The following GRIP2 variants were observed in gnomAD, a reference collection of about 807,000 sequenced individuals.
GRIP2 encodes glutamate receptor interacting protein 2.
A neutral mutation model predicts 108.3 loss-of-function variants in GRIP2; 58 were observed. The ratio of observed to expected loss-of-function variants is 0.54; its 90% CI spans 0.43 to 0.67. The LOEUF is 0.67. Among genes scored for constraint, GRIP2 ranks in the 30% least tolerant of loss-of-function variants. GRIP2 has a pLI of 0.00. For synonymous variants in GRIP2, 586 were observed against 598.2 expected, an observed-to-expected ratio of 0.98 and a Z score of 0.30; for missense variants, 1,278 against 1,430.6, an observed-to-expected ratio of 0.89 and a Z score of 1.72.
At chr3:14,529,489 A>C (rs1175818588) in intron 1 of GRIP2, among the ~76,000 whole-genome samples, 1 of 152,216 alleles carries the variant, frequency 6.6e-6, no homozygotes, top group Non-Finnish European at 1.5e-5. Context: ...TATTTCTTAT[A>C]CAATAAAAGT....
chr3:14,553,255 G>A (rs532397288), intron 1 of GRIP2, among the ~76,000 whole-genome samples: 15 of 152,048 alleles, frequency 9.9e-5, no homozygotes, highest in East Asian at 9.7e-4. Context: ...TTACAGGCAC[G>A]TGCTACCACG....
In GRIP2 at chr3:14,512,992, C is replaced by G; in HGVS notation, c.1640-135G>C. 1 of 749,420 alleles carries G rather than the reference C, an allele frequency of 1.3e-6. No individual in the cohort carries two copies. Among genetic ancestry groups the G allele is most frequent in the African/African-American group, 1.7e-5 (1 of 58,042 alleles). 46.4% of individuals were successfully genotyped at this position (749,420 alleles called of 1,614,324 possible). A position where few individuals can be genotyped will look rare whatever the true frequency, so the allele number is the denominator to read the frequency against. On this transcript the variant is annotated intron_variant, in intron 13 of 23. Transcript: ENST00000621039. This position sits in a 1 kb window ranked among gnomAD's most constrained non-coding sequence, Gnocchi z 5.1. Reference sequence around the variant, plus strand: ...TTCTAATCTCATCCCCCTGCTTCCTCTCAACAGAGGAGGAAACTGAGGCAG... The same window carrying G: ...TTCTAATCTCATCCCCCTGCTTCCTGTCAACAGAGGAGGAAACTGAGGCAG...
chr3:14,553,733 G>GA (rs1283820185), intron 1 of GRIP2, among the ~76,000 whole-genome samples: 1 of 152,008 alleles, frequency 6.6e-6, no homozygotes, highest in Non-Finnish European at 1.5e-5. Flanking sequence ...GGCATCTTTT[G>GA]AAAAAAAGAT....
intron 1 of GRIP2, among the ~76,000 whole-genome samples, chr3:14,528,300 A>G (rs1055395333): frequency 5.9e-5 from 9 of 152,198 alleles, no homozygotes; most frequent in Non-Finnish European, 7.3e-5. Flanking sequence ...TTGTTTAGCT[A>G]TTGACTTGTG....
intron 5 of GRIP2, chr3:14,523,319 C>A (rs1443554187): frequency 1.7e-6 from 1 of 574,802 alleles, no homozygotes; most frequent in Non-Finnish European, 3.1e-6. Flanking sequence ...TGTGACCTCA[C>A]CTTATTTCCC....
At chr3:14,570,044 G>A in the GRIP2 span, among the ~76,000 whole-genome samples, 1 of 152,142 alleles carries the variant, frequency 6.6e-6, no homozygotes, top group Non-Finnish European at 1.5e-5. Flanking sequence ...GCAGATCTGG[G>A]ATTTGAACCC....
chr3:14,578,609 C>T, the GRIP2 span, among the ~76,000 whole-genome samples: 3 of 151,620 alleles, frequency 2.0e-5, no homozygotes, highest in Non-Finnish European at 4.4e-5. Flanking sequence ...CCCAGCTACT[C>T]GGGAGGCTGA....
At chr3:14,573,803 G>A in the GRIP2 span, 42 of 1,544,652 alleles carry the variant, frequency 2.7e-5, no homozygotes, top group Non-Finnish European at 3.4e-5. Flanking sequence ...TCTTGTGGCC[G>A]GCAAGCTCTG....
chr3:14,540,532 T>G, upstream of GRIP2: 1 of 1,020,056 alleles, frequency 9.8e-7, no homozygotes, highest in Non-Finnish European at 1.4e-6. This position sits in a 1 kb window ranked among gnomAD's most constrained non-coding sequence, Gnocchi z 4.1. Flanking sequence ...CCCTGCAGCC[T>G]GGGTCTGGAC....
In GRIP2 at chr3:14,512,084, A is replaced by C. The variant is rs1694113335; in HGVS notation, c.1721-605T>G. ...GTCGGGGAAGGCCTTGTCAAGTGAC[A>C]TTTGGGCAAAGCCATGAAGGAGGTA... On this transcript the variant is annotated intron_variant, in intron 14 of 23. Transcript: ENST00000621039. The surrounding 1 kb of genome is among the most constrained non-coding windows in gnomAD (Gnocchi z 5.1). Among the ~76,000 whole-genome samples, 1 of 152,214 alleles carries C rather than the reference A, an allele frequency of 6.6e-6. No individual in the cohort carries two copies. The highest frequency in any genetic ancestry group is 1.5e-5 in the Non-Finnish European group (1 of 68,034).
rs748600380 is a variant in GRIP2 at position 14,505,748 on chromosome 3, G to C, written c.2440C>G (p.Gln814Glu). The C allele has an allele frequency of 1.2e-5, 19 of 1,577,362 alleles. No individual in the cohort carries two copies. Among genetic ancestry groups the C allele is most frequent in the Admixed American group, 5.5e-5 (3 of 54,544 alleles). ...PQAAARGTTP[Q>E]ERRPGWLRGS... ...CTCAGCCAGCCAGGCCTCCGCTCCTGGGGGGTCGTGCCCCGGGCTGCTGCC... is the reference window on the plus strand; with the variant it reads ...CTCAGCCAGCCAGGCCTCCGCTCCTCGGGGGTCGTGCCCCGGGCTGCTGCC... Residue 814 changes from glutamine (Q) to glutamate (E), a missense_variant, in exon 20 of 24, where the codon CAG becomes GAG. By Grantham distance (29) the Gln-to-Glu change is conservative. Coordinates refer to ENST00000621039, the MANE Select transcript of GRIP2 (RefSeq NM_001080423.4). The surrounding 1 kb of genome is among the most constrained non-coding windows in gnomAD (Gnocchi z 4.2).
the GRIP2 span, among the ~76,000 whole-genome samples, chr3:14,564,368 C>A: frequency 6.6e-5 from 10 of 152,356 alleles, no homozygotes; most frequent in African/African-American, 2.4e-4. Context: ...TCCACCGGGG[C>A]TCCTCCTCAA....
rs1356288848 is a variant in GRIP2 at position 14,517,017 on chromosome 3, T to G, written c.1306+47A>C. On this transcript the variant is annotated intron_variant, in intron 11 of 23. Transcript: ENST00000621039. Reference sequence around the variant, plus strand: ...ATACACCCTTTGGCAAGCCTCACTCTCAGACATACAAGCAGCCCAAGGAGG... The same window carrying G: ...ATACACCCTTTGGCAAGCCTCACTCGCAGACATACAAGCAGCCCAAGGAGG... 4.1e-6 allele frequency: 6 copies of G among 1,448,334 alleles called. No individual in the cohort carries two copies. The Admixed American group carries it at 1.4e-4, about 33-fold the overall frequency. The allele number at this position is 1,448,334 out of a possible 1,614,324, so 89.7% of individuals were successfully genotyped here. A position where few individuals can be genotyped will look rare whatever the true frequency, so the allele number is the denominator to read the frequency against.
At chr3:14,529,654 T>C (rs1694658185) in intron 1 of GRIP2, among the ~76,000 whole-genome samples, 1 of 152,244 alleles carries the variant, frequency 6.6e-6, no homozygotes, top group South Asian at 2.1e-4. Context: ...TTCCTTTTTC[T>C]GTTGCTCCTT....
chr3:14,579,979 T>A, the GRIP2 span, among the ~76,000 whole-genome samples: 1 of 152,152 alleles, frequency 6.6e-6, no homozygotes, highest in Non-Finnish European at 1.5e-5. Flanking sequence ...ATCACATGGG[T>A]AACAGGTTCC....
At chr3:14,536,836 C>T (rs1462883520) in intron 1 of GRIP2, among the ~76,000 whole-genome samples, 1 of 152,232 alleles carries the variant, frequency 6.6e-6, no homozygotes, top group Non-Finnish European at 1.5e-5. Flanking sequence ...CTGTGTCTAG[C>T]TCAGGGAGAG....
In GRIP2 at chr3:14,511,510, T is replaced by C; in HGVS notation, c.1721-31A>G. 2 of 1,610,040 alleles carry C rather than the reference T, an allele frequency of 1.2e-6. No individual in the cohort carries two copies. Among genetic ancestry groups the C allele is most frequent in the Non-Finnish European group, 1.7e-6 (2 of 1,178,476 alleles). Reference sequence around the variant, plus strand: ...GAAAAAGAGGCCATGAATCTGACCTTGGTGGCCTCAGCCTGGGGTGGGGTG... The same window carrying C: ...GAAAAAGAGGCCATGAATCTGACCTCGGTGGCCTCAGCCTGGGGTGGGGTG... On this transcript the variant is annotated intron_variant, in intron 14 of 23. Transcript: ENST00000621039. This position sits in a 1 kb window ranked among gnomAD's most constrained non-coding sequence, Gnocchi z 4.1.
chr3:14,491,418 C>G lies in GRIP2; in HGVS notation c.*2247G>C, dbSNP rs1178162987. The G allele has an allele frequency of 6.6e-6, 1 of 152,174 alleles. No individual in the cohort carries two copies. Among genetic ancestry groups the G allele is most frequent in the Non-Finnish European group, 1.5e-5 (1 of 68,050 alleles). The allele number at this position is 152,174 out of a possible 1,614,324, so 9.4% of individuals were successfully genotyped here. ...GGGGGAGAGGGCAGGTGGAAGGGGA[C>G]ATGTCACAGGGGCTGTTCCCAAAAT... is the stretch of plus-strand genomic sequence containing the variant. On this transcript the variant is annotated 3_prime_UTR_variant, in exon 24 of 24. Coordinates refer to ENST00000621039, the MANE Select transcript of GRIP2 (RefSeq NM_001080423.4).
At chr3:14,595,264 A>G in the GRIP2 span, among the ~76,000 whole-genome samples, 1 of 151,960 alleles carries the variant, frequency 6.6e-6, no homozygotes, top group Admixed American at 6.6e-5. Flanking sequence ...CTGGCCTCAG[A>G]TGGTCCTCCT....
Sources: allele counts gnomAD v4.1 joint callset (sites outside exome capture counted in the v4.1 genomes callset), GRCh38; gene constraint gnomAD v4.1.1; non-coding constraint Gnocchi (gnomAD v3.1); transcripts MANE v1.5; gene names NCBI Gene and HGNC (gene_info 2026-07-23, HGNC 2026-07-21).